KLHL22: variants seen among roughly 807,000 people sequenced by gnomAD.
KLHL22 encodes kelch-like protein 22.
Under a neutral mutation model 60.7 loss-of-function variants are expected in KLHL22, and 18 were observed. The observed-to-expected ratio is 0.30, with a 90% CI of 0.20 to 0.44. The LOEUF (loss-of-function observed/expected upper bound fraction) is 0.44, where lower values mean the gene tolerates loss of function less well. KLHL22 is among the 20% of genes least tolerant of loss of function. The probability of loss-of-function intolerance (pLI) is 1.00; values close to 1 mark genes in which losing one functional copy is unlikely to be tolerated. For missense variants in KLHL22, 596 were observed against 852.3 expected (o/e 0.70, Z 3.74); for synonymous variants, 355 against 354.5 (o/e 1.00, Z -0.01).
At chr22:20,483,312 C>G (rs1431281011) in intron 2 of KLHL22, 2 of 718,434 alleles carry the variant, frequency 2.8e-6, no homozygotes, top group African/African-American at 3.5e-5. Context: ...TGTCCAGCTC[C>G]TGTCGTTTCT....
At chr22:20,445,486 G>A (rs1210882781) in intron 6 of KLHL22, among the ~76,000 whole-genome samples, 7 of 152,142 alleles carry the variant, frequency 4.6e-5, no homozygotes, top group Admixed American at 3.3e-4. Flanking sequence ...GATTACAGGC[G>A]TGAGCCACCG....
chr22:20,470,669 T>A (rs1217711366), intron 3 of KLHL22, among the ~76,000 whole-genome samples: 1 of 149,548 alleles, frequency 6.7e-6, no homozygotes, highest in East Asian at 2.0e-4. Context: ...AATGAGTGGA[T>A]GGATGGATGG....
At chr22:20,457,702 G>T in intron 5 of KLHL22, 106 bp downstream of exon 5, 1 of 840,738 alleles carries the variant, frequency 1.2e-6, no homozygotes, top group Non-Finnish European at 1.9e-6. Context: ...CACTGAGCCT[G>T]TTTCTCTGAC....
In KLHL22 at chr22:20,465,710, G is replaced by A. The variant is rs1314083667; in HGVS notation, c.394-134C>T. On this transcript the variant is annotated intron_variant, in intron 3 of 6. Transcript: ENST00000328879. This position sits in a 1 kb window ranked among gnomAD's most constrained non-coding sequence, Gnocchi z 4.9. The stretch of plus-strand genomic sequence containing the variant: ...AGGGAAGTCCTCCTTAATTGTCCCC[G>A]ACCTTTTCTGACACACTGGAGACTG... The A allele has an allele frequency of 9.1e-6, 6 of 657,506 alleles. No individual in the cohort carries two copies. The highest frequency in any genetic ancestry group is 7.1e-5 in the Admixed American group (3 of 42,212). 40.7% of individuals were successfully genotyped at this position (657,506 alleles called of 1,614,324 possible).
At chr22:20,472,167 A>T (rs905230547) in intron 2 of KLHL22, among the ~76,000 whole-genome samples, 4 of 152,202 alleles carry the variant, frequency 2.6e-5, no homozygotes, top group African/African-American at 9.7e-5. Context: ...GAATTGATTG[A>T]ACCTGGGAGA....
intron 5 of KLHL22, chr22:20,456,300 G>C (rs894784203): frequency 6.6e-6 from 1 of 152,240 alleles, no homozygotes; most frequent in Non-Finnish European, 1.5e-5. Flanking sequence ...ATGGAGTGGG[G>C]AGTCTTTCTC....
intron 3 of KLHL22, among the ~76,000 whole-genome samples, chr22:20,471,139 A>G (rs1195351724): frequency 6.6e-6 from 1 of 152,174 alleles, no homozygotes; most frequent in African/African-American, 2.4e-5. Flanking sequence ...GAAGAGGGCA[A>G]AGGCAGAGGC....
chr22:20,450,653 T>C, intron 5 of KLHL22: 3 of 1,572,102 alleles, frequency 1.9e-6, no homozygotes, highest in South Asian at 2.2e-5. Context: ...CAAGGAGAGG[T>C]GGAAAAGCTA....
At chr22:20,443,946 G>A (rs1569118339) in intron 6 of KLHL22, among the ~76,000 whole-genome samples, 1 of 151,812 alleles carries the variant, frequency 6.6e-6, no homozygotes, top group Non-Finnish European at 1.5e-5. Flanking sequence ...AGCTACTCCG[G>A]AGGCTGAAGC....
rs1395282020 is a variant in KLHL22 at position 20,484,069 on chromosome 22, A to G, written c.227+4916T>C. The G allele has an allele frequency of 6.1e-6, 6 of 976,782 alleles. No homozygotes were observed. In the African/African-American group the frequency reaches 9.7e-5, roughly 16 times the overall value. The allele number at this position is 976,782 out of a possible 1,614,324, so 60.5% of individuals were successfully genotyped here. ...GCCTGGACAGAGCCCAGGGACCAGTAGTTGGTGGAGAAGGTAGAGCGAGTG... is the reference window on the plus strand; with the variant it reads ...GCCTGGACAGAGCCCAGGGACCAGTGGTTGGTGGAGAAGGTAGAGCGAGTG... On this transcript the variant is annotated intron_variant, in intron 2 of 6. Coordinates refer to ENST00000328879, the MANE Select transcript of KLHL22 (RefSeq NM_032775.4).
Position 20,441,831 on chromosome 22 carries a change from C to A in KLHL22, c.*242G>T. On this transcript the variant is annotated 3_prime_UTR_variant, in exon 7 of 7. Coordinates refer to ENST00000328879, the MANE Select transcript of KLHL22 (RefSeq NM_032775.4). Reference sequence around the variant, plus strand: ...CCCCTCCAGGGCTCACTGAGGAAGGCCAAAGCCTTTCAGAAGCAGTTCCTG... The same window carrying A: ...CCCCTCCAGGGCTCACTGAGGAAGGACAAAGCCTTTCAGAAGCAGTTCCTG... The A allele has an allele frequency of 2.5e-6, 1 of 401,110 alleles. No homozygotes were observed. Among genetic ancestry groups the A allele is most frequent in the East Asian group, 3.7e-5 (1 of 27,298 alleles). The allele number at this position is 401,110 out of a possible 1,614,324, so 24.8% of individuals were successfully genotyped here. A position where few individuals can be genotyped will look rare whatever the true frequency, so the allele number is the denominator to read the frequency against.
chr22:20,453,941 G>T (rs1306479672), intron 5 of KLHL22, among the ~76,000 whole-genome samples: 1 of 152,022 alleles, frequency 6.6e-6, no homozygotes, highest in Non-Finnish European at 1.5e-5. Flanking sequence ...CACCATGTTG[G>T]CCAGGCTGGT....
At chr22:20,477,449 A>T (rs2146258872) in intron 2 of KLHL22, among the ~76,000 whole-genome samples, 1 of 152,108 alleles carries the variant, frequency 6.6e-6, no homozygotes. Context: ...CCCATCTCTT[A>T]AAAAAAATTA....
chr22:20,492,800 C>G (rs1345087868), intron 1 of KLHL22, among the ~76,000 whole-genome samples: 1 of 152,172 alleles, frequency 6.6e-6, no homozygotes, highest in East Asian at 1.9e-4. Flanking sequence ...CCATGTTGGT[C>G]AGGCTGGTCT....
chr22:20,455,560 A>C (rs903487457), intron 5 of KLHL22, among the ~76,000 whole-genome samples: 1 of 152,152 alleles, frequency 6.6e-6, no homozygotes, highest in Admixed American at 6.5e-5. Context: ...GACCTCTGAG[A>C]CATGTTAACC....
In KLHL22 at chr22:20,459,030, A is replaced by G. The variant is rs1003039531; in HGVS notation, c.1113-1030T>C. Among the ~76,000 whole-genome samples the G allele has an allele frequency of 1.4e-4, 22 of 152,160 alleles. 1 individual carries two copies. The highest frequency in any genetic ancestry group is 5.3e-4 in the African/African-American group (22 of 41,444). ...GAGGGCTCCTGGGCTGAGCACCAAC[A>G]GGGAGCATGGCCTGCAATGTGGAGC... On this transcript the variant is annotated intron_variant, in intron 4 of 6. Transcript: ENST00000328879.
At chr22:20,482,676 G>A (rs995980837) in intron 2 of KLHL22, 31 of 534,416 alleles carry the variant, frequency 5.8e-5, no homozygotes, top group African/African-American at 1.2e-4. Context: ...AGGTTCAAGC[G>A]GTACTTCTGC....
intron 5 of KLHL22, chr22:20,450,066 A>C (rs1443337452): frequency 1.4e-6 from 1 of 715,920 alleles, no homozygotes; most frequent in Admixed American, 1.9e-5. Context: ...GTGTGGGATC[A>C]GAAGCAGAGT....
intron 5 of KLHL22, chr22:20,450,315 C>T: frequency 3.4e-6 from 4 of 1,170,818 alleles, no homozygotes; most frequent in African/African-American, 1.5e-5. Flanking sequence ...CACTAGTGAC[C>T]TTTATAGAAG....
Sources: gnomAD v4.1 joint callset for allele counts (sites outside exome capture counted in the v4.1 genomes callset) on GRCh38, gnomAD v4.1.1 for gene constraint, Gnocchi (gnomAD v3.1) non-coding constraint, MANE v1.5 for transcripts, NCBI Gene and HGNC (gene_info 2026-07-23, HGNC 2026-07-21) for gene names.